UNC13B: variants seen among roughly 807,000 people sequenced by gnomAD.
The protein encoded by UNC13B is unc-13 homolog B.
Under a neutral mutation model 211.0 loss-of-function variants are expected in UNC13B, and 144 were observed. The observed-to-expected ratio is 0.68, with a 90% CI of 0.60 to 0.78. UNC13B has a LOEUF of 0.78. Ranked by LOEUF, UNC13B falls within the 30% of genes least tolerant of loss-of-function variation. The probability of loss-of-function intolerance (pLI) is 0.00; values close to 1 mark genes in which losing one functional copy is unlikely to be tolerated. For missense variants in UNC13B, 1,777 were observed against 2,002.0 expected (o/e 0.89, Z 2.14); for synonymous variants, 709 against 725.8 (o/e 0.98, Z 0.37).
intron 1 of UNC13B, among the ~76,000 whole-genome samples, chr9:35,201,765 G>A (rs1172153906): frequency 4.6e-5 from 7 of 151,866 alleles, no homozygotes; most frequent in Non-Finnish European, 1.0e-4. Flanking sequence ...TATCAATTTT[G>A]TTGATCTTTT....
At chr9:35,352,601 G>A (rs1011727187) in intron 11 of UNC13B, 1 of 1,232,116 alleles carries the variant, frequency 8.1e-7, no homozygotes, top group Non-Finnish European at 1.0e-6. Flanking sequence ...TCAGATGAAG[G>A]CTCAGGATCA....
chr9:35,336,670 C>T (rs1564144376), intron 11 of UNC13B, among the ~76,000 whole-genome samples: 1 of 152,014 alleles, frequency 6.6e-6, no homozygotes, highest in Non-Finnish European at 1.5e-5. Flanking sequence ...TCCTGTGGGC[C>T]TCTTTTATAA....
chr9:35,263,314 A>G (rs1002067275), intron 7 of UNC13B, among the ~76,000 whole-genome samples: 1 of 150,306 alleles, frequency 6.7e-6, no homozygotes, highest in Non-Finnish European at 1.5e-5. Flanking sequence ...CATGCTTTGA[A>G]TAATAGGAAC....
chr9:35,307,984 C>T lies in UNC13B; in HGVS notation c.8580C>T (p.Ser2860=), dbSNP rs1419303317. The change falls in exon 9 of 40, where the codon TCC becomes TCT. Residue 2860 remains serine (S), a synonymous_variant. Coordinates refer to ENST00000635942, the MANE Select transcript of UNC13B (RefSeq NM_001371189.2). ...TCCCTGAACAAATGCCTACAGAATC[C>T]TCCCCTCCAGTTTTAGTTACTAGCA... is the stretch of plus-strand genomic sequence containing the variant. ...KGVPEQMPTE[S]SPPVLVTSSD... 2 of 398,924 alleles carry T rather than the reference C, an allele frequency of 5.0e-6. No homozygotes were observed. The highest frequency in any genetic ancestry group is 8.8e-6 in the Non-Finnish European group (2 of 226,080). The allele number at this position is 398,924 out of a possible 1,614,324, so 24.7% of individuals were successfully genotyped here. A position where few individuals can be genotyped will look rare whatever the true frequency, so the allele number is the denominator to read the frequency against.
At chr9:35,344,448 G>A (rs1339537362) in intron 11 of UNC13B, among the ~76,000 whole-genome samples, 1 of 152,152 alleles carries the variant, frequency 6.6e-6, no homozygotes, top group African/African-American at 2.4e-5. Flanking sequence ...AGGAGACCTG[G>A]ATTCTAATTC....
intron 1 of UNC13B, among the ~76,000 whole-genome samples, chr9:35,183,268 AC>A (rs1173894177): frequency 3.6e-5 from 4 of 110,880 alleles, no homozygotes; most frequent in African/African-American, 1.5e-4. Context: ...GGAGCCCCTC[AC>A]CTCCCAGGCG....
At chr9:35,337,009 T>C (rs977926162) in intron 11 of UNC13B, among the ~76,000 whole-genome samples, 2 of 151,968 alleles carry the variant, frequency 1.3e-5, no homozygotes, top group African/African-American at 2.4e-5. Context: ...TTGCTTTGAC[T>C]AAAGTTAGGG....
intron 11 of UNC13B, among the ~76,000 whole-genome samples, chr9:35,326,807 T>C (rs1831043626): frequency 6.6e-6 from 1 of 152,242 alleles, no homozygotes; most frequent in African/African-American, 2.4e-5. Flanking sequence ...TATTTTATTG[T>C]ATTGTACAGC....
chr9:35,354,001 A>C (rs1832878495), intron 11 of UNC13B, among the ~76,000 whole-genome samples: 1 of 152,208 alleles, frequency 6.6e-6, no homozygotes, highest in African/African-American at 2.4e-5. Context: ...ATGGTTCTCA[A>C]GCAAGAGGAA....
At chr9:35,389,816 C>G in intron 24 of UNC13B, 30 bp from the exon 25 acceptor site, 6 of 1,609,608 alleles carry the variant, frequency 3.7e-6, no homozygotes, top group African/African-American at 1.3e-5. Context: ...ACTCTTTCTC[C>G]CTCTCTCTCA....
chr9:35,381,447 A>C (rs905253121), intron 19 of UNC13B, 109 bp from the exon 20 acceptor site: 3 of 1,355,644 alleles, frequency 2.2e-6, no homozygotes, highest in Non-Finnish European at 3.0e-6. Context: ...CTGGAAGGAC[A>C]GAATTTCTGT....
At chr9:35,287,109 T>C (rs1828840606) in intron 7 of UNC13B, among the ~76,000 whole-genome samples, 1 of 151,602 alleles carries the variant, frequency 6.6e-6, no homozygotes. Flanking sequence ...TAGAGTTAGT[T>C]TCATTTCTTT....
chr9:35,266,097 C>A (rs1006010648), intron 7 of UNC13B, among the ~76,000 whole-genome samples: 1 of 152,164 alleles, frequency 6.6e-6, no homozygotes, highest in African/African-American at 2.4e-5. Context: ...AGCCACCAAG[C>A]CCAGTTGAGT....
Position 35,301,270 on chromosome 9 carries a change from G to A in UNC13B, c.1866G>A (p.Met622Ile), listed in dbSNP as rs1829669378. The change falls in exon 9 of 40, where the codon ATG (methionine) becomes ATA (isoleucine). Residue 622 changes from methionine to isoleucine, a missense_variant. Met to Ile is a conservative substitution (Grantham distance 10, BLOSUM62 1). Transcript: ENST00000635942. ...GAAAAACCTCTGAAAATGAGCACAT[G>A]GGTAATAAAACTGGGAGTTTATACT... ...RHRKTSENEH[M>I]GNKTGSLYFQ... The A allele has an allele frequency of 2.5e-6, 1 of 398,814 alleles. No individual in the cohort carries two copies. The highest frequency in any genetic ancestry group is 3.6e-5 in the East Asian group (1 of 28,056). The allele number at this position is 398,814 out of a possible 1,614,324, so 24.7% of individuals were successfully genotyped here.
intron 1 of UNC13B, among the ~76,000 whole-genome samples, chr9:35,190,264 G>C (rs1256651096): frequency 6.6e-6 from 1 of 152,162 alleles, no homozygotes; most frequent in Non-Finnish European, 1.5e-5. Flanking sequence ...TCAATAGGGG[G>C]TGGGGATGTT....
rs750969360 is a variant in UNC13B at position 35,399,656 on chromosome 9, T to C, written c.12263T>C (p.Met4088Thr). 4 of 1,614,132 alleles carry C rather than the reference T, an allele frequency of 2.5e-6. No homozygotes were observed. The highest frequency in any genetic ancestry group is 3.4e-6 in the Non-Finnish European group (4 of 1,180,016). Reference sequence around the variant, plus strand: ...GCTGATTTCTCTGAACAGGATCACATGGTACGAGAGGAAACACGGAATCTC... The same window carrying C: ...GCTGATTTCTCTGAACAGGATCACACGGTACGAGAGGAAACACGGAATCTC... ...LSHLSKLKDHMVREETRNLTP... is the reference protein window; with the variant it reads ...LSHLSKLKDHTVREETRNLTP... Residue 4088 changes from methionine to threonine, a missense_variant, in exon 36 of 40, where the codon ATG (methionine) becomes ACG (threonine). Met to Thr is a moderately conservative substitution (Grantham distance 81). Coordinates refer to ENST00000635942, the MANE Select transcript of UNC13B (RefSeq NM_001371189.2).
intron 38 of UNC13B, 26 bp downstream of exon 38, chr9:35,403,285 C>T: frequency 5.0e-6 from 8 of 1,611,962 alleles, no homozygotes; most frequent in Non-Finnish European, 6.8e-6. Flanking sequence ...ACAGGTCTGC[C>T]CTTTCCTTGC....
chr9:35,402,638 CTT>C (rs947389610), intron 37 of UNC13B, among the ~76,000 whole-genome samples: 4 of 152,034 alleles, frequency 2.6e-5, no homozygotes, highest in African/African-American at 9.7e-5. Flanking sequence ...TAGATTGGCT[CTT>C]TTCAGAGATT....
chr9:35,235,645 G>A (rs1249516461), intron 3 of UNC13B, among the ~76,000 whole-genome samples: 2 of 151,924 alleles, frequency 1.3e-5, no homozygotes, highest in Non-Finnish European at 2.9e-5. Flanking sequence ...TGCAACGTTG[G>A]CCAAGCTGGT....
Sources: gnomAD v4.1 joint callset for allele counts (sites outside exome capture counted in the v4.1 genomes callset) on GRCh38, gnomAD v4.1.1 for gene constraint, MANE v1.5 for transcripts, NCBI Gene and HGNC (gene_info 2026-07-23, HGNC 2026-07-21) for gene names.